Variants in DNAH9 observed in about 807,000 individuals in gnomAD.
DNAH9 encodes dynein axonemal heavy chain 9.
In DNAH9, 345 loss-of-function variants were observed where a neutral mutation model predicts 471.6. The observed-to-expected ratio is 0.73, with a 90% confidence interval of 0.67 to 0.80. DNAH9 has a LOEUF of 0.80. Ranked by LOEUF, DNAH9 falls within the 30% of genes least tolerant of loss-of-function variation. The pLI is 0.00. For missense variants in DNAH9, 5,407 were observed against 5,609.2 expected (o/e 0.96, Z 1.15); for synonymous variants, 2,093 against 2,123.6 (o/e 0.99, Z 0.40).
At chr17:11,965,095 A>C (rs1403723102) in intron 68 of DNAH9, among the ~76,000 whole-genome samples, 1 of 152,224 alleles carries the variant, frequency 6.6e-6, no homozygotes, top group East Asian at 1.9e-4. Flanking sequence ...TGAGATGGCC[A>C]TAGGGGGCTT....
At chr17:11,800,297 C>T (rs1209696108) in intron 43 of DNAH9, among the ~76,000 whole-genome samples, 3 of 151,856 alleles carry the variant, frequency 2.0e-5, no homozygotes, top group African/African-American at 4.8e-5. Flanking sequence ...CTAGTCCCTA[C>T]ACCTGCGCCC....
chr17:11,679,568 A>C (rs2074099456), intron 17 of DNAH9, among the ~76,000 whole-genome samples, 189 bp from the exon 18 acceptor site: 1 of 152,148 alleles, frequency 6.6e-6, no homozygotes, highest in Non-Finnish European at 1.5e-5. Context: ...GCCATTCGTA[A>C]CCTTAACACC....
At chr17:11,712,333 C>T (rs548141272) in intron 26 of DNAH9, among the ~76,000 whole-genome samples, 9 of 151,394 alleles carry the variant, frequency 5.9e-5, no homozygotes, top group East Asian at 1.9e-4. Flanking sequence ...TCCATTCAAC[C>T]GATGGACACT....
intron 4 of DNAH9, among the ~76,000 whole-genome samples, chr17:11,615,803 T>C (rs922465981): frequency 1.3e-5 from 2 of 152,138 alleles, no homozygotes; most frequent in Non-Finnish European, 2.9e-5. Context: ...AAAGCTCCTA[T>C]AGCATGATAG....
At chr17:11,732,380 G>A (rs1203429268) in intron 28 of DNAH9, among the ~76,000 whole-genome samples, 1 of 151,998 alleles carries the variant, frequency 6.6e-6, no homozygotes, top group Non-Finnish European at 1.5e-5. Flanking sequence ...CCCATCCAAG[G>A]AGAAAATTGC....
chr17:11,640,511 C>T, intron 10 of DNAH9, 127 bp downstream of exon 10: 1 of 748,768 alleles, frequency 1.3e-6, no homozygotes, highest in East Asian at 2.6e-5. Flanking sequence ...TTTCCATTTC[C>T]AGCAAGGGAT....
Position 11,947,772 on chromosome 17 carries a change from A to AATTTTTTTTTTTTTTTTTTTTTTTTTTTT in DNAH9, c.12843+5287_12843+5288insATTTTTTTTTTTTTTTTTTTTTTTTTTTT, listed in dbSNP as rs1555528615. 5.5e-5 allele frequency among the ~76,000 whole-genome samples: 6 copies of AATTTTTTTTTTTTTTTTTTTTTTTTTTTT among 108,344 alleles called. 2 individuals carry two copies. Among genetic ancestry groups the AATTTTTTTTTTTTTTTTTTTTTTTTTTTT allele is most frequent in the African/African-American group, 3.9e-5 (1 of 25,868 alleles). The allele number at this position is 108,344 out of a possible 152,430, so 71.1% of individuals were successfully genotyped here. On this transcript the variant is annotated intron_variant, in intron 67 of 68. Transcript: ENST00000262442. Reference sequence around the variant, plus strand: ...CAGAATCTGGGAGGGGCTGGGAACTATTTTTTTTTTTTTTTTTTTTTTTTT... The same window carrying AATTTTTTTTTTTTTTTTTTTTTTTTTTTT: ...CAGAATCTGGGAGGGGCTGGGAACTAATTTTTTTTTTTTTTTTTTTTTTTTTTTTTTTTTTTTTTTTTTTTTTTTTTTTT...
At chr17:11,857,205 A>T (rs1241940613) in intron 50 of DNAH9, among the ~76,000 whole-genome samples, 3 of 152,232 alleles carry the variant, frequency 2.0e-5, no homozygotes, top group African/African-American at 7.2e-5. Context: ...AGTAGCCAAC[A>T]TTCACATGAC....
intron 48 of DNAH9, among the ~76,000 whole-genome samples, chr17:11,832,282 T>G (rs1970708093): frequency 6.6e-6 from 1 of 152,136 alleles, no homozygotes; most frequent in African/African-American, 2.4e-5. Flanking sequence ...TGGTGGTTAT[T>G]TACCTTGGAC....
chr17:11,853,468 C>T (rs750231442), intron 49 of DNAH9, among the ~76,000 whole-genome samples: 1 of 152,190 alleles, frequency 6.6e-6, no homozygotes, highest in Non-Finnish European at 1.5e-5. Context: ...CCAGGCAGAG[C>T]AGCTGACTCA....
chr17:11,762,487 T>G (rs1210073392), intron 35 of DNAH9, among the ~76,000 whole-genome samples: 1 of 152,212 alleles, frequency 6.6e-6, no homozygotes, highest in African/African-American at 2.4e-5. Context: ...TCTCTTGATA[T>G]CTGCCTTTCA....
chr17:11,694,174 C>G, intron 21 of DNAH9, 147 bp from the exon 22 acceptor site: 1 of 1,181,332 alleles, frequency 8.5e-7, no homozygotes, highest in South Asian at 1.4e-5. Flanking sequence ...GTAGACACAT[C>G]CATGTATATC....
Position 11,610,460 on chromosome 17 carries a change from C to G in DNAH9, c.679C>G (p.Gln227Glu), listed in dbSNP as rs755755899. 6.6e-5 allele frequency: 106 copies of G among 1,613,428 alleles called. No individual in the cohort carries two copies. The highest frequency in any genetic ancestry group is 4.6e-5 in the Non-Finnish European group (54 of 1,179,700). The stretch of plus-strand genomic sequence containing the variant: ...GTCTGCAGTGATCAAATGGAGCTAC[C>G]AAGTCCAGGTGGTACTCAAGAGAGA... ...IESAVIKWSY[Q>E]VQVVLKRESS... The change falls in exon 3 of 69, where the codon CAA becomes GAA. Residue 227 changes from glutamine (Q) to glutamate (E), a missense_variant. This residue lies in a region of DNAH9 where 767 missense variants were observed against 692.5 expected (regional missense o/e 1.11). Transcript: ENST00000262442.
intron 45 of DNAH9, among the ~76,000 whole-genome samples, chr17:11,813,124 CT>C (rs1246619586): frequency 4.6e-5 from 7 of 151,946 alleles, no homozygotes; most frequent in Admixed American, 3.3e-4. Flanking sequence ...TAGAACACAA[CT>C]TTTTTTCAAG....
Position 11,598,921 on chromosome 17 carries a change from G to C in DNAH9, c.417+6G>C. ...TAGCCGCGCTGTTCTCGGAGGTGAG[G>C]GTGGGTTAGTGTCCCCGCGCGGCTA... On this transcript the variant is annotated splice_donor_region_variant and intron_variant, in intron 1 of 68. Coordinates refer to ENST00000262442, the MANE Select transcript of DNAH9 (RefSeq NM_001372.4). 6.6e-7 allele frequency: 1 copy of C among 1,512,702 alleles called. No individual in the cohort carries two copies. Among genetic ancestry groups the C allele is most frequent in the Non-Finnish European group, 8.8e-7 (1 of 1,135,312 alleles). The allele number at this position is 1,512,702 out of a possible 1,614,324, so 93.7% of individuals were successfully genotyped here. A position where few individuals can be genotyped will look rare whatever the true frequency, so the allele number is the denominator to read the frequency against.
Position 11,875,009 on chromosome 17 carries a change from G to C in DNAH9, c.10303G>C (p.Val3435Leu), listed in dbSNP as rs765611046. ...PLRMLMDDAD[V>L]AAWQNEGLPA... ...GAGGATGCTGATGGATGATGCTGAC[G>C]TGGCTGCCTGGCAGAACGAGGGCCT... Residue 3435 changes from valine to leucine, a missense_variant, in exon 53 of 69, where the codon GTG becomes CTG. By Grantham distance (32) the Val-to-Leu change is conservative (BLOSUM62 1). Around this residue, in one of 3 missense-constraint regions of DNAH9, gnomAD observed 4,636 missense variants for 4,900.3 expected, o/e 0.95. Transcript: ENST00000262442. 15 of 1,613,972 alleles carry C rather than the reference G, an allele frequency of 9.3e-6. No individual in the cohort carries two copies. The highest frequency in any genetic ancestry group is 1.3e-5 in the Non-Finnish European group (15 of 1,180,026).
At chr17:11,745,585 GACAGAC>G (rs1204912571) in intron 31 of DNAH9, among the ~76,000 whole-genome samples, 2 of 152,074 alleles carry the variant, frequency 1.3e-5, no homozygotes, top group Non-Finnish European at 2.9e-5. Flanking sequence ...AAGACAGATG[GACAGAC>G]ACAGACACAC....
At chr17:11,701,475 C>T (rs1234012955) in intron 24 of DNAH9, among the ~76,000 whole-genome samples, 1 of 152,094 alleles carries the variant, frequency 6.6e-6, no homozygotes, top group Non-Finnish European at 1.5e-5. Flanking sequence ...TCTTTTTGCC[C>T]TCATTGGCTA....
Position 11,880,001 on chromosome 17 carries a change from C to T in DNAH9, c.10479-77C>T, listed in dbSNP as rs143235400. On this transcript the variant is annotated intron_variant, in intron 53 of 68. Transcript: ENST00000262442. ...CTATACCACCATGTCTTAGAGGTCA[C>T]GCTTGTCTCATTAAATGGTCTCAAC... The T allele has an allele frequency of 7.9e-4, 1,233 of 1,563,140 alleles. 1 individual carries two copies. Among genetic ancestry groups the T allele is most frequent in the Admixed American group, 1.5e-3 (91 of 59,236 alleles).
Sources: allele counts gnomAD v4.1 joint callset (sites outside exome capture counted in the v4.1 genomes callset), GRCh38; gene constraint gnomAD v4.1.1; regional missense constraint gnomAD v4.1.1; transcripts MANE v1.5; gene names NCBI Gene and HGNC (gene_info 2026-07-23, HGNC 2026-07-21).